TRAP1: variants seen among roughly 807,000 people sequenced by gnomAD.
The protein encoded by TRAP1 is TNF receptor associated protein 1.
A neutral mutation model predicts 89.1 loss-of-function variants in TRAP1; 102 were observed. The ratio of observed to expected loss-of-function variants is 1.15; its 90% confidence interval spans 0.98 to 1.35. The LOEUF (loss-of-function observed/expected upper bound fraction) is 1.35, where lower values mean the gene tolerates loss of function less well. Ranked by LOEUF, TRAP1 falls within the 40% of genes most tolerant of loss-of-function variation. The pLI, the probability that TRAP1 is intolerant of heterozygous loss-of-function variation, is 0.00. For missense variants in TRAP1, 1,256 were observed against 945.3 expected, an observed-to-expected ratio of 1.33 and a Z score of -4.31; for synonymous variants, 508 against 388.0, an observed-to-expected ratio of 1.31 and a Z score of -3.64.
At chr16:3,679,883 G>T in intron 4 of TRAP1, 93 bp from the exon 5 acceptor site, 2 of 1,277,014 alleles carry the variant, frequency 1.6e-6, no homozygotes, top group Non-Finnish European at 2.2e-6. Context: ...TGGTGTCAAT[G>T]ACATTGGCCA....
In TRAP1 at chr16:3,707,857, C is replaced by CA. The variant is rs60090855; in HGVS notation, c.88+9563dup. On this transcript the variant is annotated intron_variant, in intron 1 of 17. Coordinates refer to ENST00000246957, the MANE Select transcript of TRAP1 (RefSeq NM_016292.3). The stretch of plus-strand genomic sequence containing the variant: ...CAACAGACAGAGCGAGACTCTAACT[C>CA]AAAAAAAAAAAAAAAAAAGACAAAC... 9.8e-3 allele frequency among the ~76,000 whole-genome samples: 1,008 copies of CA among 102,580 alleles called. 14 individuals carry two copies. The highest frequency in any genetic ancestry group is 0.021 in the South Asian group (64 of 3,110). The allele number at this position is 102,580 out of a possible 152,430, so 67.3% of individuals were successfully genotyped here.
At chr16:3,669,560 C>T (rs1227957509) in intron 11 of TRAP1, among the ~76,000 whole-genome samples, 1 of 152,004 alleles carries the variant, frequency 6.6e-6, no homozygotes, top group Non-Finnish European at 1.5e-5. Flanking sequence ...ACAGGCCAGG[C>T]GCGGTGGCTC....
intron 1 of TRAP1, among the ~76,000 whole-genome samples, chr16:3,695,809 G>C (rs530664331): frequency 2.6e-5 from 4 of 152,262 alleles, no homozygotes; most frequent in Admixed American, 1.3e-4. Context: ...CCCGATTTAC[G>C]CATGTGCCAA....
At chr16:3,690,355 TAAC>T (rs1286257394) in intron 2 of TRAP1, among the ~76,000 whole-genome samples, 1 of 152,144 alleles carries the variant, frequency 6.6e-6, no homozygotes, top group East Asian at 1.9e-4. Context: ...GAAATCAAAA[TAAC>T]AAGAAAACCT....
At position 3,675,735 on chromosome 16, in the gene TRAP1, G is replaced by A. The variant is rs182052651; in HGVS notation, c.814+301C>T. Among the ~76,000 whole-genome samples the A allele has an allele frequency of 4.1e-4, 62 of 152,264 alleles. No individual in the cohort carries two copies. The East Asian group carries it at 0.011, about 28-fold the overall frequency. ...GCAGGACACAAAGAGGGAAGGCCAC[G>A]CCCACATCCTGGGACAGGACTGCGC... On this transcript the variant is annotated intron_variant, in intron 7 of 17. Coordinates refer to ENST00000246957, the MANE Select transcript of TRAP1 (RefSeq NM_016292.3).
At position 3,686,052 on chromosome 16, in the gene TRAP1, G is replaced by A; in HGVS notation, c.415C>T (p.Pro139Ser). The A allele has an allele frequency of 1.2e-6, 2 of 1,614,094 alleles. No individual in the cohort carries two copies. Among genetic ancestry groups the A allele is most frequent in the Non-Finnish European group, 1.7e-6 (2 of 1,179,992 alleles). ...HKLVSDGQAL[P>S]EMEIHLQTNA... ...GTCTGCAAGTGAATCTCCATTTCTG[G>A]CAGTGCTTGGCCGTCAGACACCAGT... Residue 139 changes from proline to serine, a missense_variant, in exon 4 of 18, where the codon CCA (proline) becomes TCA (serine). Coordinates refer to ENST00000246957, the MANE Select transcript of TRAP1 (RefSeq NM_016292.3).
chr16:3,694,126 CT>C (rs1241658954), intron 1 of TRAP1, among the ~76,000 whole-genome samples: 4 of 151,974 alleles, frequency 2.6e-5, no homozygotes, highest in Admixed American at 2.6e-4. Flanking sequence ...GTGTTTCATG[CT>C]TTGCAGACCC....
At chr16:3,662,686 GAC>G in intron 15 of TRAP1, 194 bp downstream of exon 15, 1 of 697,202 alleles carries the variant, frequency 1.4e-6, no homozygotes, top group Non-Finnish European at 2.6e-6. Context: ...CTGGGAGAAA[GAC>G]ACGGCCTTCC....
intron 1 of TRAP1, among the ~76,000 whole-genome samples, chr16:3,702,218 G>A (rs1292492461): frequency 2.0e-5 from 3 of 151,362 alleles, no homozygotes; most frequent in African/African-American, 7.4e-5. Context: ...CACATCGGAT[G>A]AGGAATTCAG....
chr16:3,698,369 G>A (rs2151275539), intron 1 of TRAP1, among the ~76,000 whole-genome samples: 1 of 151,148 alleles, frequency 6.6e-6, no homozygotes, highest in South Asian at 2.1e-4. Flanking sequence ...TGCAGTGCAG[G>A]GCGCCATCTC....
intron 12 of TRAP1, 37 bp from the exon 13 acceptor site, chr16:3,664,496 C>T (rs1169893917): frequency 1.9e-6 from 3 of 1,573,948 alleles, no homozygotes; most frequent in Non-Finnish European, 2.6e-6. Context: ...TTATTCCAGG[C>T]CCATGGGCTC....
chr16:3,674,552 AC>A, intron 8 of TRAP1, 58 bp from the exon 9 acceptor site: 1 of 1,584,042 alleles, frequency 6.3e-7, no homozygotes, highest in Middle Eastern at 1.7e-4. Flanking sequence ...CTTCTCCACC[AC>A]CGTGCAGGCC....
At chr16:3,686,209 C>G (rs1403317441) in intron 3 of TRAP1, 73 bp from the exon 4 acceptor site, 4 of 1,511,768 alleles carry the variant, frequency 2.6e-6, no homozygotes, top group Middle Eastern at 3.4e-4. Flanking sequence ...GTCAGCTGCA[C>G]TTCCAATAAC....
chr16:3,708,545 G>C (rs1437670284), intron 1 of TRAP1, among the ~76,000 whole-genome samples: 1 of 152,116 alleles, frequency 6.6e-6, no homozygotes, highest in African/African-American at 2.4e-5. Context: ...GCTGAGGCAG[G>C]AGAAATGCTT....
At chr16:3,701,454 G>C (rs2051363370) in intron 1 of TRAP1, among the ~76,000 whole-genome samples, 1 of 149,926 alleles carries the variant, frequency 6.7e-6, no homozygotes, top group African/African-American at 2.5e-5. Flanking sequence ...TTGGGAGGCT[G>C]AAACAGGAGA....
At chr16:3,682,714 T>C (rs1310769978) in intron 4 of TRAP1, among the ~76,000 whole-genome samples, 1 of 152,030 alleles carries the variant, frequency 6.6e-6, no homozygotes, top group Non-Finnish European at 1.5e-5. Flanking sequence ...TTTTTTAAAG[T>C]TAGCCAGGCA....
intron 11 of TRAP1, 66 bp downstream of exon 11, chr16:3,671,656 G>A (rs2050914182): frequency 7.1e-6 from 11 of 1,556,690 alleles, no homozygotes; most frequent in Admixed American, 3.5e-5. Flanking sequence ...AGGGCCCTCT[G>A]GGGGCAAAGG....
At chr16:3,689,656 G>C (rs1466799770) in intron 2 of TRAP1, 1 of 152,680 alleles carries the variant, frequency 6.5e-6, no homozygotes. Context: ...GGGCAACACA[G>C]AGGGATCCCG....
intron 1 of TRAP1, among the ~76,000 whole-genome samples, chr16:3,709,746 A>G (rs2151284542): frequency 6.6e-6 from 1 of 152,062 alleles, no homozygotes; most frequent in African/African-American, 2.4e-5. Flanking sequence ...CACCTCCCAG[A>G]TTCAAGCGAT....
Sources: allele counts gnomAD v4.1 joint callset (sites outside exome capture counted in the v4.1 genomes callset), GRCh38; gene constraint gnomAD v4.1.1; transcripts MANE v1.5; gene names NCBI Gene and HGNC (gene_info 2026-07-23, HGNC 2026-07-21).